The following CD44 variants were observed in gnomAD, a reference collection of about 807,000 sequenced individuals.
The protein encoded by CD44 is CD44 antigen.
CD44 carries 49 observed loss-of-function variants against 88.8 expected under a neutral mutation model. That is an observed-to-expected ratio of 0.55 (90% CI 0.44 to 0.70). The LOEUF is 0.70. Ranked by LOEUF, CD44 falls within the 30% of genes least tolerant of loss-of-function variation. CD44 has a pLI of 0.00. For missense variants in CD44, 883 were observed against 913.8 expected (o/e 0.97, Z 0.43); for synonymous variants, 325 against 312.3 (o/e 1.04, Z -0.43).
rs755248862 is a variant in CD44 at position 35,186,914 on chromosome 11, C to G, written c.436+14C>G. ...CAATTACCATAAGTATGTCTCTCTTCTAATCTTAATTAAATTTTCCTATTT... is the reference window on the plus strand; with the variant it reads ...CAATTACCATAAGTATGTCTCTCTTGTAATCTTAATTAAATTTTCCTATTT... On this transcript the variant is annotated intron_variant, in intron 4 of 17. Transcript: ENST00000428726. 4 of 1,509,938 alleles carry G rather than the reference C, an allele frequency of 2.6e-6. No individual in the cohort carries two copies. The East Asian group carries it at 9.0e-5, about 34-fold the overall frequency. 93.5% of individuals were successfully genotyped at this position (1,509,938 alleles called of 1,614,324 possible). A position where few individuals can be genotyped will look rare whatever the true frequency, so the allele number is the denominator to read the frequency against.
At chr11:35,170,433 G>T (rs767363921) in intron 1 of CD44, among the ~76,000 whole-genome samples, 2 of 152,150 alleles carry the variant, frequency 1.3e-5, no homozygotes, top group Non-Finnish European at 2.9e-5. Context: ...CTGGGACACT[G>T]GTCTCCATGA....
intron 3 of CD44, among the ~76,000 whole-genome samples, chr11:35,181,094 G>A (rs1315486303): frequency 5.9e-5 from 9 of 152,202 alleles, no homozygotes; most frequent in Admixed American, 5.9e-4. Context: ...TTTTGAATAA[G>A]GGAGTGACAT....
chr11:35,167,602 T>G (rs899690988), intron 1 of CD44, among the ~76,000 whole-genome samples: 1 of 152,160 alleles, frequency 6.6e-6, no homozygotes, highest in Non-Finnish European at 1.5e-5. Flanking sequence ...AATAAAAAAT[T>G]TGGAGAGCTT....
chr11:35,169,983 A>G (rs557595661), intron 1 of CD44, among the ~76,000 whole-genome samples: 136 of 152,340 alleles, frequency 8.9e-4, no homozygotes, highest in African/African-American at 3.2e-3. Context: ...GGGTTTAGCA[A>G]TAGTGCCTAC....
chr11:35,159,078 T>G (rs1019910152), intron 1 of CD44, among the ~76,000 whole-genome samples: 6 of 152,200 alleles, frequency 3.9e-5, no homozygotes, highest in Non-Finnish European at 5.9e-5. Flanking sequence ...CAGAGGCAGT[T>G]TAACAGAGTA....
intron 1 of CD44, among the ~76,000 whole-genome samples, chr11:35,145,671 G>A (rs987900632): frequency 6.6e-6 from 1 of 152,186 alleles, no homozygotes; most frequent in Non-Finnish European, 1.5e-5. Flanking sequence ...AGTTATTTTG[G>A]AGATACTGAT....
rs1000780117 is a variant in CD44 at position 35,186,813 on chromosome 11, T to C, written c.368-19T>C. The C allele has an allele frequency of 2.0e-6, 3 of 1,521,406 alleles. No individual in the cohort carries two copies. Among genetic ancestry groups the C allele is most frequent in the Admixed American group, 3.4e-5 (2 of 59,634 alleles). The allele number at this position is 1,521,406 out of a possible 1,614,324, so 94.2% of individuals were successfully genotyped here. A position where few individuals can be genotyped will look rare whatever the true frequency, so the allele number is the denominator to read the frequency against. ...TCATGTTTTTAAAGGGTTCTCATCC[T>C]TTTTTTCCTACCTCATAGCTCCACC... On this transcript the variant is annotated intron_variant, in intron 3 of 17. Coordinates refer to ENST00000428726, the MANE Select transcript of CD44 (RefSeq NM_000610.4).
intron 1 of CD44, among the ~76,000 whole-genome samples, chr11:35,143,824 C>T (rs549445650): frequency 2.0e-5 from 3 of 152,276 alleles, no homozygotes; most frequent in South Asian, 2.1e-4. Context: ...AGTCCAGCTG[C>T]CCTCCCAGAT....
chr11:35,176,835 G>A (rs1483174165), intron 2 of CD44, 95 bp downstream of exon 2: 8 of 1,209,360 alleles, frequency 6.6e-6, no homozygotes, highest in African/African-American at 1.5e-5. Context: ...ACAGCTGAAT[G>A]GATTATTGCC....
intron 1 of CD44, among the ~76,000 whole-genome samples, chr11:35,143,861 AAG>A (rs1858503914): frequency 6.6e-6 from 1 of 152,196 alleles, no homozygotes; most frequent in African/African-American, 2.4e-5. Context: ...GCTTGGAATA[AAG>A]AGAGAGGTGG....
At chr11:35,181,937 T>TTATATAA (rs1945145251) in intron 3 of CD44, among the ~76,000 whole-genome samples, 2 of 66,942 alleles carry the variant, frequency 3.0e-5, no homozygotes, top group African/African-American at 1.2e-4. Context: ...TATATATAAA[T>TTATATAA]TATATATAAT....
chr11:35,158,510 C>A (rs144370443), intron 1 of CD44, among the ~76,000 whole-genome samples: 1 of 152,142 alleles, frequency 6.6e-6, no homozygotes, highest in Non-Finnish European at 1.5e-5. Flanking sequence ...AGGACTGACG[C>A]GATCACAGAC....
Position 35,201,113 on chromosome 11 carries a change from A to C in CD44, c.954A>C (p.Thr318=). 1 of 1,614,110 alleles carries C rather than the reference A, an allele frequency of 6.2e-7. No homozygotes were observed. Among genetic ancestry groups the C allele is most frequent in the Non-Finnish European group, 8.5e-7 (1 of 1,179,924 alleles). Residue 318 remains threonine, a synonymous_variant, in exon 8 of 18, where the codon ACA becomes ACC. Transcript: ENST00000428726. The stretch of plus-strand genomic sequence containing the variant: ...CCACACCACGGGCTTTTGACCACAC[A>C]AAACAGAACCAGGACTGGACCCAGT... ...ISTTPRAFDH[T]KQNQDWTQWN... is the part of the protein sequence containing the mutation.
intron 1 of CD44, among the ~76,000 whole-genome samples, chr11:35,146,297 C>G (rs969254198): frequency 1.3e-5 from 2 of 152,156 alleles, no homozygotes; most frequent in East Asian, 3.8e-4. Flanking sequence ...TGCAAAACTC[C>G]GGGGTTGAGG....
intron 17 of CD44, among the ~76,000 whole-genome samples, chr11:35,223,621 G>A (rs557097897): frequency 6.6e-6 from 1 of 152,278 alleles, no homozygotes; most frequent in East Asian, 1.9e-4. Flanking sequence ...GGCAAACAGG[G>A]ACACACAGGG....
chr11:35,211,812 G>C (rs1002601892), intron 14 of CD44, among the ~76,000 whole-genome samples: 10 of 151,986 alleles, frequency 6.6e-5, no homozygotes, highest in Non-Finnish European at 1.0e-4. Flanking sequence ...GAAAGTAGTC[G>C]AATTTTAGCA....
intron 1 of CD44, among the ~76,000 whole-genome samples, chr11:35,153,627 C>T (rs191991037): frequency 6.6e-5 from 10 of 152,346 alleles, no homozygotes; most frequent in Middle Eastern, 3.4e-3. Context: ...GAGGCATAGT[C>T]TCCTCTCTCC....
intron 15 of CD44, among the ~76,000 whole-genome samples, chr11:35,215,791 G>A (rs187504425): frequency 1.7e-4 from 26 of 151,890 alleles, no homozygotes; most frequent in Admixed American, 1.5e-3. Flanking sequence ...AGAATTGCTC[G>A]GACCTGGCAG....
In CD44 at chr11:35,190,032, A is replaced by G; in HGVS notation, c.634A>G (p.Ile212Val). Residue 212 changes from isoleucine (I) to valine (V), a missense_variant, in exon 5 of 18, where the codon ATC becomes GTC. Transcript: ENST00000428726. ...HPIPDEDSPWITDSTDRIPAT... is the reference protein window; with the variant it reads ...HPIPDEDSPWVTDSTDRIPAT... ...CATCCCAGACGAAGACAGTCCCTGG[A>G]TCACCGACAGCACAGACAGAATCCC... The G allele has an allele frequency of 4.3e-6, 7 of 1,614,172 alleles. No homozygotes were observed. The Middle Eastern group carries it at 4.9e-4, about 114-fold the overall frequency.
Sources: allele counts gnomAD v4.1 joint callset (sites outside exome capture counted in the v4.1 genomes callset), GRCh38; gene constraint gnomAD v4.1.1; transcripts MANE v1.5; gene names NCBI Gene and HGNC (gene_info 2026-07-23, HGNC 2026-07-21).